Variants in NFIA observed in about 807,000 individuals in gnomAD.
NFIA encodes nuclear factor 1 A-type.
In NFIA, 8 loss-of-function variants were observed where a neutral mutation model predicts 62.8. The observed-to-expected ratio is 0.13, with a 90% confidence interval of 0.07 to 0.23. NFIA has a LOEUF of 0.23. Ranked by LOEUF, NFIA falls within the 10% of genes least tolerant of loss-of-function variation. The probability of loss-of-function intolerance (pLI) is 1.00; values close to 1 mark genes in which losing one functional copy is unlikely to be tolerated. For missense variants in NFIA, 410 were observed against 642.1 expected (o/e 0.64, Z 3.91); for synonymous variants, 235 against 238.1 (o/e 0.99, Z 0.12).
rs1298275437 is a variant in NFIA at position 61,461,003 on chromosome 1, G to C, written c.*5683G>C. 6.6e-6 allele frequency: 1 copy of C among 152,076 alleles called. No homozygotes were observed. The highest frequency in any genetic ancestry group is 1.5e-5 in the Non-Finnish European group (1 of 68,002). The allele number at this position is 152,076 out of a possible 1,614,324, so 9.4% of individuals were successfully genotyped here. A position where few individuals can be genotyped will look rare whatever the true frequency, so the allele number is the denominator to read the frequency against. The stretch of plus-strand genomic sequence containing the variant: ...TTAAATTCAGTATTACTCGTGTTTT[G>C]TTTTTGTTTTTGTTTTTTGTTTTCT... On this transcript the variant is annotated 3_prime_UTR_variant, in exon 11 of 11. Transcript: ENST00000403491.
chr1:61,382,212 C>T (rs1246081016), intron 6 of NFIA, among the ~76,000 whole-genome samples: 1 of 152,122 alleles, frequency 6.6e-6, no homozygotes, highest in Non-Finnish European at 1.5e-5. Flanking sequence ...CCCTATCAAA[C>T]TGATAGATGC....
intron 2 of NFIA, among the ~76,000 whole-genome samples, chr1:61,140,897 G>C (rs573286808): frequency 6.6e-6 from 1 of 151,618 alleles, no homozygotes; most frequent in African/African-American, 2.4e-5. Flanking sequence ...ATTAACAGGG[G>C]CCAGCAGTGT....
At chr1:61,286,150 G>A (rs774587716) in intron 3 of NFIA, among the ~76,000 whole-genome samples, 11 of 151,958 alleles carry the variant, frequency 7.2e-5, no homozygotes, top group African/African-American at 1.5e-4. Flanking sequence ...TGGATAGGCC[G>A]GGCAGGATGG....
At chr1:61,395,576 G>A (rs1346480002) in intron 7 of NFIA, among the ~76,000 whole-genome samples, 1 of 152,110 alleles carries the variant, frequency 6.6e-6, no homozygotes, top group Non-Finnish European at 1.5e-5. Context: ...TACATGTTAC[G>A]TAAAAGTTCA....
chr1:61,332,696 A>G, intron 4 of NFIA, 110 bp downstream of exon 4: 2 of 769,278 alleles, frequency 2.6e-6, no homozygotes, highest in South Asian at 3.6e-5. Flanking sequence ...CTTTTCATTC[A>G]CCCATTGGAA....
At chr1:61,413,615 C>CTTTTTTTT (rs869258274) in intron 9 of NFIA, among the ~76,000 whole-genome samples, 7 of 68,390 alleles carry the variant, frequency 1.0e-4, no homozygotes, top group Admixed American at 2.3e-4. Context: ...AAGTATTTTG[C>CTTTTTTTT]TTTTTTTTTT....
intron 3 of NFIA, among the ~76,000 whole-genome samples, chr1:61,313,376 C>T (rs770389442): frequency 3.9e-5 from 6 of 152,096 alleles, no homozygotes; most frequent in Non-Finnish European, 7.3e-5. Flanking sequence ...CAGAGGGTGA[C>T]GCAGGAGCAG....
intron 2 of NFIA, among the ~76,000 whole-genome samples, chr1:61,259,582 G>A (rs1359574906): frequency 6.6e-6 from 1 of 152,174 alleles, no homozygotes; most frequent in African/African-American, 2.4e-5. Flanking sequence ...CTGCCAAGAG[G>A]AAGGGAAAGG....
At chr1:61,242,242 A>T (rs1171440772) in intron 2 of NFIA, among the ~76,000 whole-genome samples, 2 of 152,070 alleles carry the variant, frequency 1.3e-5, no homozygotes, top group Non-Finnish European at 2.9e-5. Flanking sequence ...CTCAATAGGG[A>T]TCTCCAGGCT....
chr1:61,330,269 T>C (rs556128181), intron 3 of NFIA, among the ~76,000 whole-genome samples: 7 of 152,290 alleles, frequency 4.6e-5, no homozygotes, highest in Admixed American at 3.9e-4. Context: ...GGCCTGTAGA[T>C]TCATTCATCT....
chr1:61,175,230 C>G (rs1441459080), intron 2 of NFIA, among the ~76,000 whole-genome samples: 1 of 152,076 alleles, frequency 6.6e-6, no homozygotes, highest in African/African-American at 2.4e-5. Context: ...CAACTTGTGC[C>G]TCCCAGGCTC....
chr1:61,163,537 T>C (rs1243159947), intron 2 of NFIA, among the ~76,000 whole-genome samples: 3 of 152,196 alleles, frequency 2.0e-5, no homozygotes, highest in Non-Finnish European at 4.4e-5. Flanking sequence ...TTTATCATTA[T>C]TGTCACCATG....
At chr1:61,431,768 G>A (rs959443262) in intron 10 of NFIA, among the ~76,000 whole-genome samples, 3 of 152,210 alleles carry the variant, frequency 2.0e-5, no homozygotes, top group Non-Finnish European at 4.4e-5. Context: ...CTCTGGTGGG[G>A]GTGCACCCAG....
chr1:61,401,289 A>G (rs893371427), intron 7 of NFIA, among the ~76,000 whole-genome samples: 5 of 152,234 alleles, frequency 3.3e-5, no homozygotes, highest in African/African-American at 1.2e-4. Context: ...TCATTGTAGA[A>G]TTAATTCCAT....
intron 2 of NFIA, among the ~76,000 whole-genome samples, chr1:61,139,335 G>A (rs554202287): frequency 2.6e-5 from 4 of 152,282 alleles, no homozygotes; most frequent in African/African-American, 7.2e-5. Context: ...TTAGGTAACT[G>A]AGGTACAAGT....
chr1:61,175,542 G>A (rs1650283955), intron 2 of NFIA, among the ~76,000 whole-genome samples: 1 of 152,174 alleles, frequency 6.6e-6, no homozygotes, highest in African/African-American at 2.4e-5. Flanking sequence ...AATTGTTAGG[G>A]TAGAGTACCA....
chr1:61,100,009 A>G (rs1646480819), intron 2 of NFIA, among the ~76,000 whole-genome samples: 5 of 152,216 alleles, frequency 3.3e-5, no homozygotes, highest in Admixed American at 3.3e-4. Flanking sequence ...GATCCCCAGT[A>G]TGTTAGACTT....
At chr1:61,144,428 G>A (rs1332149707) in intron 2 of NFIA, among the ~76,000 whole-genome samples, 1 of 152,204 alleles carries the variant, frequency 6.6e-6, no homozygotes, top group Non-Finnish European at 1.5e-5. Flanking sequence ...GTACATGTGA[G>A]TGTTGGGGTC....
intron 2 of NFIA, among the ~76,000 whole-genome samples, chr1:61,105,835 A>G (rs1486884981): frequency 6.6e-6 from 1 of 151,872 alleles, no homozygotes; most frequent in Non-Finnish European, 1.5e-5. Flanking sequence ...TAAAAAAAGA[A>G]TTGCATATCT....
Sources: allele counts gnomAD v4.1 joint callset (sites outside exome capture counted in the v4.1 genomes callset), GRCh38; gene constraint gnomAD v4.1.1; transcripts MANE v1.5; gene names NCBI Gene and HGNC (gene_info 2026-07-23, HGNC 2026-07-21).